Variants in MYO16 observed in about 807,000 individuals in gnomAD.
MYO16 encodes the protein unconventional myosin-XVI.
In MYO16, 94 loss-of-function variants were observed where a neutral mutation model predicts 205.3. The ratio of observed to expected loss-of-function variants is 0.46; its 90% confidence interval spans 0.39 to 0.54. The LOEUF is 0.54. MYO16 is among the 20% of genes least tolerant of loss of function. MYO16 has a pLI of 0.00. For missense variants in MYO16, 2,315 were observed against 2,387.5 expected, an observed-to-expected ratio of 0.97 and a Z score of 0.63; for synonymous variants, 988 against 954.0, an observed-to-expected ratio of 1.04 and a Z score of -0.66.
rs141392167 is a variant in MYO16, at chr13:108,827,729, C to T, written c.1097+4451C>T. ...TGCTCCTCAGTTCCTTCTGACTGGG[C>T]GCCTCCTCTCTGTGTTGCCTTTCTG... On this transcript the variant is annotated intron_variant, in intron 9 of 34. Transcript: ENST00000457511. Among the ~76,000 whole-genome samples the T allele has an allele frequency of 1.1e-3, 164 of 152,256 alleles. 1 individual carries two copies. The highest frequency in any genetic ancestry group is 3.7e-3 in the African/African-American group (155 of 41,554).
chr13:108,645,755 C>T (rs565107864), intron 1 of MYO16, among the ~76,000 whole-genome samples: 1 of 152,278 alleles, frequency 6.6e-6, no homozygotes, highest in African/African-American at 2.4e-5. Flanking sequence ...ATAATGGCCT[C>T]AGGTGGCATT....
At chr13:108,862,467 A>C (rs551012764) in intron 11 of MYO16, among the ~76,000 whole-genome samples, 23 of 152,208 alleles carry the variant, frequency 1.5e-4, no homozygotes, top group African/African-American at 5.5e-4. Flanking sequence ...AAGGAGGAGG[A>C]TCCAGATTAA....
At position 108,796,368 on chromosome 13, in the gene MYO16, A is replaced by G. The variant is rs531543104; in HGVS notation, c.741+2728A>G. 1.2e-4 allele frequency among the ~76,000 whole-genome samples: 19 copies of G among 152,330 alleles called. No homozygotes were observed. In the South Asian group the frequency reaches 3.1e-3, roughly 25 times the overall value. ...GTGGAAGTCAGTGTGGCAATTCCTCAGGGATCTAGAACTAGAAATACCATT... is the reference window on the plus strand; with the variant it reads ...GTGGAAGTCAGTGTGGCAATTCCTCGGGGATCTAGAACTAGAAATACCATT... On this transcript the variant is annotated intron_variant, in intron 6 of 34. Coordinates refer to ENST00000457511, the MANE Select transcript of MYO16 (RefSeq NM_001198950.3).
intron 23 of MYO16, among the ~76,000 whole-genome samples, chr13:109,043,740 C>T (rs1387823763): frequency 2.0e-5 from 3 of 152,050 alleles, no homozygotes; most frequent in Admixed American, 1.3e-4. Flanking sequence ...GACAGGGAGC[C>T]GTCCTGGGGG....
At chr13:109,130,171 CAT>C (rs1876463499) in intron 31 of MYO16, among the ~76,000 whole-genome samples, 1 of 152,098 alleles carries the variant, frequency 6.6e-6, no homozygotes, top group African/African-American at 2.4e-5. Context: ...CAAAATACAT[CAT>C]GTGATAGCAT....
the MYO16 span, among the ~76,000 whole-genome samples, chr13:108,585,991 A>T: frequency 6.6e-6 from 1 of 152,142 alleles, no homozygotes; most frequent in Admixed American, 6.5e-5. Context: ...ACTAAGATGG[A>T]TGAATTACTA....
chr13:108,718,822 A>G (rs1441776886), intron 3 of MYO16, among the ~76,000 whole-genome samples: 2 of 152,132 alleles, frequency 1.3e-5, no homozygotes, highest in Non-Finnish European at 2.9e-5. Flanking sequence ...ATTTTAGATC[A>G]TTAGTGAGAT....
chr13:108,637,319 C>T (rs1034733860), intron 1 of MYO16, among the ~76,000 whole-genome samples: 3 of 152,122 alleles, frequency 2.0e-5, no homozygotes, highest in Admixed American at 1.3e-4. Context: ...TGTTGTTCTA[C>T]TTGGGTACCC....
At chr13:108,788,629 G>A (rs1289994250) in intron 5 of MYO16, among the ~76,000 whole-genome samples, 2 of 152,116 alleles carry the variant, frequency 1.3e-5, no homozygotes, top group African/African-American at 2.4e-5. Flanking sequence ...AACAGTCATA[G>A]CTCACATTTA....
chr13:108,886,394 T>A (rs1330859947), intron 13 of MYO16: 2 of 455,862 alleles, frequency 4.4e-6, no homozygotes, highest in Non-Finnish European at 8.8e-6. Context: ...AGGATTTTGC[T>A]CCTTAGCTCG....
chr13:108,686,460 A>G (rs1882680635), intron 2 of MYO16, among the ~76,000 whole-genome samples: 1 of 152,216 alleles, frequency 6.6e-6, no homozygotes, highest in African/African-American at 2.4e-5. Context: ...GTAGGAATAT[A>G]AGGGCAGGAA....
intron 33 of MYO16, 61 bp downstream of exon 33, chr13:109,165,120 G>C (rs1878588715): frequency 7.9e-7 from 1 of 1,269,784 alleles, no homozygotes; most frequent in Non-Finnish European, 1.1e-6. Flanking sequence ...TCAACTTTCT[G>C]GGAGGAATGG....
intron 1 of MYO16, chr13:108,659,443 G>A: frequency 2.7e-6 from 1 of 368,966 alleles, no homozygotes; most frequent in Non-Finnish European, 5.3e-6. Context: ...GCTGAGCAGG[G>A]GCTTCTGGCC....
intron 2 of MYO16, among the ~76,000 whole-genome samples, chr13:108,671,912 C>G (rs901773361): frequency 6.6e-6 from 1 of 152,108 alleles, no homozygotes; most frequent in South Asian, 2.1e-4. Flanking sequence ...ACTCCTAATA[C>G]CATCACATGA....
chr13:108,910,183 A>G lies in MYO16; in HGVS notation c.1925+33A>G, dbSNP rs369389368. On this transcript the variant is annotated intron_variant, in intron 16 of 34. Transcript: ENST00000457511. ...ACTAAGTATTTTGTATCTAAAAGCTATGCCTTCAAATTGTGATTGCAATTT... is the reference window on the plus strand; with the variant it reads ...ACTAAGTATTTTGTATCTAAAAGCTGTGCCTTCAAATTGTGATTGCAATTT... 5.0e-6 allele frequency: 8 copies of G among 1,587,504 alleles called. No homozygotes were observed. In the African/African-American group the frequency reaches 6.8e-5, roughly 13 times the overall value.
intron 1 of MYO16, among the ~76,000 whole-genome samples, chr13:108,601,319 C>G (rs1239013625): frequency 6.6e-6 from 1 of 152,030 alleles, no homozygotes; most frequent in Non-Finnish European, 1.5e-5. Flanking sequence ...AGCTGTACAC[C>G]ACCAGCAGAG....
intron 9 of MYO16, among the ~76,000 whole-genome samples, chr13:108,830,328 C>T (rs1171708773): frequency 7.4e-6 from 1 of 136,044 alleles, no homozygotes; most frequent in Admixed American, 7.6e-5. Flanking sequence ...TATTGTGGCA[C>T]TATTCACAAT....
chr13:108,526,390 T>A, the MYO16 span, among the ~76,000 whole-genome samples: 1 of 152,178 alleles, frequency 6.6e-6, no homozygotes, highest in African/African-American at 2.4e-5. Context: ...AAAAATGATT[T>A]TTTATATTGT....
chr13:108,714,175 C>T (rs1883837404), intron 3 of MYO16, among the ~76,000 whole-genome samples: 1 of 152,284 alleles, frequency 6.6e-6, no homozygotes, highest in Non-Finnish European at 1.5e-5. Flanking sequence ...CCTGCCTCAG[C>T]CGCCTGAGTA....
Sources: gnomAD v4.1 joint callset for allele counts (sites outside exome capture counted in the v4.1 genomes callset) on GRCh38, gnomAD v4.1.1 for gene constraint, MANE v1.5 for transcripts, NCBI Gene and HGNC (gene_info 2026-07-23, HGNC 2026-07-21) for gene names.